SNX29: variants seen among roughly 807,000 people sequenced by gnomAD.
SNX29 encodes sorting nexin-29.
In SNX29, 78 loss-of-function variants were observed where a neutral mutation model predicts 102.1. The observed-to-expected ratio is 0.76, with a 90% CI of 0.64 to 0.92. The LOEUF is 0.92. Among genes scored for constraint, SNX29 ranks in the 40% least tolerant of loss-of-function variants. SNX29 has a pLI of 0.00. For missense variants in SNX29, 1,280 were observed against 1,061.7 expected (o/e 1.21, Z -2.86); for synonymous variants, 580 against 414.5 (o/e 1.40, Z -4.85).
rs751769629 is a variant in SNX29, at chr16:12,477,808, C to A, written c.2127C>A (p.Tyr709Ter). Residue 709 changes from tyrosine (Y) to a stop codon, truncating the protein, a stop_gained, in exon 19 of 21, where the codon TAC becomes TAA. Transcript: ENST00000566228. LOFTEE classifies it high-confidence loss of function. The part of the protein sequence containing the change: ...RSLHHKLQNK[Y>*]PQVRAYNFPP... ...TGCACCACAAGTTACAAAACAAGTACCCTCAAGTGAGGGCCTACAACTTCC... is the reference window on the plus strand; with the variant it reads ...TGCACCACAAGTTACAAAACAAGTAACCTCAAGTGAGGGCCTACAACTTCC... The A allele has an allele frequency of 1.2e-6, 2 of 1,613,322 alleles. No individual in the cohort carries two copies. Among genetic ancestry groups the A allele is most frequent in the Admixed American group, 1.7e-5 (1 of 59,816 alleles).
intron 3 of SNX29, among the ~76,000 whole-genome samples, chr16:12,012,504 G>A (rs564878304): frequency 3.3e-5 from 5 of 152,208 alleles, no homozygotes; most frequent in African/African-American, 7.2e-5. Context: ...CGCCTCCCAC[G>A]TTCAAGTGAT....
chr16:12,537,395 C>G (rs1013570095), intron 20 of SNX29, among the ~76,000 whole-genome samples: 3 of 152,196 alleles, frequency 2.0e-5, no homozygotes, highest in Admixed American at 6.5e-5. Context: ...GACTTTGAGC[C>G]AAACAGACCT....
intron 20 of SNX29, among the ~76,000 whole-genome samples, chr16:12,539,826 A>G (rs562223797): frequency 6.6e-6 from 1 of 152,318 alleles, no homozygotes; most frequent in Non-Finnish European, 1.5e-5. Context: ...CCTTTAACAC[A>G]TCCTCTTTGG....
At chr16:12,425,594 G>T (rs1315179976) in intron 18 of SNX29, among the ~76,000 whole-genome samples, 2 of 149,802 alleles carry the variant, frequency 1.3e-5, no homozygotes, top group Non-Finnish European at 3.0e-5. Flanking sequence ...GTGGGAAGTA[G>T]AGAAGAGGCA....
intron 6 of SNX29, among the ~76,000 whole-genome samples, chr16:12,047,898 C>T (rs1166891037): frequency 1.3e-5 from 2 of 152,058 alleles, no homozygotes; most frequent in Admixed American, 6.6e-5. Flanking sequence ...CTCAGGTGAT[C>T]CACCTGTCTC....
chr16:12,112,023 G>A lies in SNX29; in HGVS notation c.1403-14610G>A, dbSNP rs549992591. Among the ~76,000 whole-genome samples, 7 of 152,318 alleles carry A rather than the reference G, an allele frequency of 4.6e-5. No individual in the cohort carries two copies. In the South Asian group the frequency reaches 1.5e-3, roughly 32 times the overall value. On this transcript the variant is annotated intron_variant, in intron 11 of 20. Coordinates refer to ENST00000566228, the MANE Select transcript of SNX29 (RefSeq NM_032167.5). ...TCGTTCCCAGGGCTCTGCTGGCAGA[G>A]GATGCACACAGAGGTTGTGCGCAGA...
At chr16:12,403,356 G>GT (rs2084035666) in intron 17 of SNX29, 92 bp from the exon 18 acceptor site, 1 of 1,277,926 alleles carries the variant, frequency 7.8e-7, no homozygotes, top group African/African-American at 1.5e-5. Flanking sequence ...ACCTCTTGGA[G>GT]TAGAAAATTG....
chr16:12,260,836 G>A (rs1412794965), intron 14 of SNX29, among the ~76,000 whole-genome samples: 1 of 151,412 alleles, frequency 6.6e-6, no homozygotes, highest in Non-Finnish European at 1.5e-5. Flanking sequence ...CTGTGTGCGT[G>A]TGCCCGGCTG....
At chr16:12,143,611 C>T (rs1288625056) in intron 13 of SNX29, among the ~76,000 whole-genome samples, 1 of 152,256 alleles carries the variant, frequency 6.6e-6, no homozygotes, top group East Asian at 1.9e-4. Flanking sequence ...AGAGAGATTG[C>T]ATGTCAAGGG....
rs1075842 is a variant in SNX29, at chr16:12,568,916, T to C, written c.*287T>C. 0.26 allele frequency: 113,544 copies of C among 443,302 alleles called. 15,670 individuals are homozygous for C. Among genetic ancestry groups the C allele is most frequent in the East Asian group, 0.43 (10,618 of 24,658 alleles). The allele number at this position is 443,302 out of a possible 1,614,324, so 27.5% of individuals were successfully genotyped here. ...GCTGCAAGGGCTGTTCCTCCACCTT[T>C]CTGTAGTTCAGGGCTGGCAGGAGGG... On this transcript the variant is annotated 3_prime_UTR_variant, in exon 21 of 21. Transcript: ENST00000566228.
chr16:12,209,051 G>C (rs1313404267), intron 14 of SNX29, among the ~76,000 whole-genome samples: 11 of 152,132 alleles, frequency 7.2e-5, no homozygotes, highest in Admixed American at 5.9e-4. Flanking sequence ...GCCTCTTTCT[G>C]TAAGGTGCTT....
intron 14 of SNX29, among the ~76,000 whole-genome samples, chr16:12,246,460 G>A (rs528774302): frequency 6.6e-6 from 1 of 152,238 alleles, no homozygotes; most frequent in East Asian, 1.9e-4. Context: ...GGCCAATGTG[G>A]TGAAACCCCA....
At chr16:12,377,471 A>G (rs1052604047) in intron 16 of SNX29, among the ~76,000 whole-genome samples, 2 of 152,150 alleles carry the variant, frequency 1.3e-5, no homozygotes, top group African/African-American at 4.8e-5. Context: ...ATGGTAAAGC[A>G]AGTTCCACAG....
At chr16:12,390,340 G>A (rs7187130) in intron 16 of SNX29, among the ~76,000 whole-genome samples, 81,976 of 151,796 alleles carry the variant, frequency 0.54, 22,883 homozygotes, top group East Asian at 0.65. Flanking sequence ...GACCAAAGCC[G>A]TGCTCATCTC....
intron 20 of SNX29, among the ~76,000 whole-genome samples, chr16:12,542,643 C>G (rs1341208414): frequency 1.3e-5 from 2 of 152,208 alleles, no homozygotes; most frequent in South Asian, 2.1e-4. Flanking sequence ...GGGTCTAACA[C>G]TTAAACTTGT....
chr16:12,549,697 G>A (rs4644851), intron 20 of SNX29, among the ~76,000 whole-genome samples: 1 of 152,164 alleles, frequency 6.6e-6, no homozygotes, highest in Non-Finnish European at 1.5e-5. Flanking sequence ...TGTCGCAGAT[G>A]CTGCTTGGGG....
At chr16:12,431,434 C>CTTTTTTTTTTTTTTTTTT (rs200189537) in intron 18 of SNX29, among the ~76,000 whole-genome samples, 5 of 136,952 alleles carry the variant, frequency 3.7e-5, no homozygotes, top group East Asian at 2.1e-4. Context: ...TCTTCTTCTT[C>CTTTTTTTTTTTTTTTTTT]TTTTTTTTTT....
chr16:12,476,395 TATATATATATATATATA>T (rs2087622528), intron 18 of SNX29, among the ~76,000 whole-genome samples: 2 of 18,074 alleles, frequency 1.1e-4, no homozygotes, highest in Non-Finnish European at 7.9e-5. Context: ...TATATATATA[TATATATATATATATATA>T]CATATATATA....
chr16:11,985,240 C>A (rs149880386), intron 1 of SNX29, among the ~76,000 whole-genome samples: 1 of 152,104 alleles, frequency 6.6e-6, no homozygotes, highest in Non-Finnish European at 1.5e-5. Context: ...GTTCAACATT[C>A]AGCAAACATT....
Sources: gnomAD v4.1 joint callset for allele counts (sites outside exome capture counted in the v4.1 genomes callset) on GRCh38, gnomAD v4.1.1 for gene constraint, MANE v1.5 for transcripts, NCBI Gene and HGNC (gene_info 2026-07-23, HGNC 2026-07-21) for gene names.